Variants in PSMD11 observed in about 807,000 individuals in gnomAD.
The protein encoded by PSMD11 is proteasome 26S subunit, non-ATPase 11.
In PSMD11, 5 loss-of-function variants were observed where a neutral mutation model predicts 62.3. The ratio of observed to expected loss-of-function variants is 0.08; its 90% confidence interval spans 0.04 to 0.17. PSMD11 has a LOEUF of 0.17. Ranked by LOEUF, PSMD11 falls within the 10% of genes least tolerant of loss-of-function variation. The pLI is 1.00. For synonymous variants in PSMD11, 191 were observed against 191.8 expected (o/e 1.00, Z 0.03); for missense variants, 310 against 512.9 (o/e 0.60, Z 3.82).
Position 32,480,735 on chromosome 17 carries a change from CTCTGTCTTCTCTTGCAGAGTTGGATCTGT to C in PSMD11, c.*1-17_*12del. 7.6e-7 allele frequency: 1 copy of C among 1,317,346 alleles called. No individual in the cohort carries two copies. Among genetic ancestry groups the C allele is most frequent in the Non-Finnish European group, 1.0e-6 (1 of 953,506 alleles). 81.6% of individuals were successfully genotyped at this position (1,317,346 alleles called of 1,614,324 possible). ...CCTCATGGCTTCCTGATTGACACTG[CTCTGTCTTCTCTTGCAGAGTTGGATCTGT>C]AGCGGTCCTTTGGAGAGTGTGTGTG... On this transcript the variant is annotated splice_acceptor_variant and splice_polypyrimidine_tract_variant and 3_prime_UTR_variant and intron_variant, in exon 14 of 14. Transcript: ENST00000261712. LOFTEE classifies it low-confidence loss of function (3UTR_SPLICE).
chr17:32,444,586 G>A lies in PSMD11; in HGVS notation c.63G>A (p.Glu21=). The part of the protein sequence containing the change: ...RAQSLLSTDR[E]ASIDILHSIV... ...AGTCTCTACTCAGCACCGACCGGGA[G>A]GCCTCCATCGACATCCTCCACTCCA... The change falls in exon 1 of 14, where the codon GAG becomes GAA. Residue 21 remains glutamate, a synonymous_variant. Transcript: ENST00000261712. The A allele has an allele frequency of 6.2e-7, 1 of 1,611,914 alleles. No homozygotes were observed. Among genetic ancestry groups the A allele is most frequent in the Non-Finnish European group, 8.5e-7 (1 of 1,179,374 alleles).
intron 1 of PSMD11, chr17:32,444,821 T>G: frequency 1.0e-5 from 6 of 590,206 alleles, no homozygotes; most frequent in African/African-American, 2.0e-5. Context: ...AATCCCCGGG[T>G]CCCCTCGCCG....
chr17:32,457,105 A>G (rs1907674960), intron 3 of PSMD11, among the ~76,000 whole-genome samples: 1 of 152,196 alleles, frequency 6.6e-6, no homozygotes, highest in Admixed American at 6.5e-5. Flanking sequence ...CTGTGGTTAT[A>G]TGTTGTCATT....
rs573080464 is a variant in PSMD11 at position 32,462,441 on chromosome 17, TTCTG to T, written c.319-1604_319-1601del. ...AGCTTGCTTTTATTTTAGTTTTTGGTTCTGTCTTATTTTTAGGTAATTTTTATGA... is the reference window on the plus strand; with the variant it reads ...AGCTTGCTTTTATTTTAGTTTTTGGTTCTTATTTTTAGGTAATTTTTATGA... On this transcript the variant is annotated intron_variant, in intron 3 of 13. Transcript: ENST00000261712. 4.8e-3 allele frequency among the ~76,000 whole-genome samples: 732 copies of T among 152,288 alleles called. 5 individuals are homozygous for T. The highest frequency in any genetic ancestry group is 0.016 in the African/African-American group (647 of 41,538).
At chr17:32,459,595 G>T (rs1037500675) in intron 3 of PSMD11, among the ~76,000 whole-genome samples, 1 of 152,034 alleles carries the variant, frequency 6.6e-6, no homozygotes, top group Non-Finnish European at 1.5e-5. Context: ...TAAGCATGGG[G>T]TGTTGTTACT....
intron 3 of PSMD11, among the ~76,000 whole-genome samples, chr17:32,456,560 C>G (rs757860798): frequency 4.6e-5 from 7 of 151,608 alleles, no homozygotes; most frequent in Non-Finnish European, 4.4e-5. Flanking sequence ...GACGGAGTCT[C>G]GCTCTGTCGC....
chr17:32,465,416 G>T (rs1907965359), intron 5 of PSMD11, among the ~76,000 whole-genome samples: 1 of 151,936 alleles, frequency 6.6e-6, no homozygotes, highest in Non-Finnish European at 1.5e-5. Context: ...TCCGGCCACT[G>T]CTTGCTTTTT....
intron 8 of PSMD11, among the ~76,000 whole-genome samples, chr17:32,475,963 T>C (rs1908309199): frequency 6.6e-6 from 1 of 152,006 alleles, no homozygotes; most frequent in Admixed American, 6.6e-5. Context: ...AAACTTTTGC[T>C]GATAAAAAGC....
intron 6 of PSMD11, among the ~76,000 whole-genome samples, chr17:32,470,347 C>T (rs1908130498): frequency 6.7e-6 from 1 of 148,456 alleles, no homozygotes; most frequent in Non-Finnish European, 1.5e-5. Context: ...TTGTTTTGTT[C>T]AGCCACCCAG....
chr17:32,465,982 A>AT (rs1555616628), intron 5 of PSMD11, among the ~76,000 whole-genome samples: 2 of 152,160 alleles, frequency 1.3e-5, no homozygotes, highest in Non-Finnish European at 2.9e-5. Flanking sequence ...CTCCAAAAAA[A>AT]GAAAAAAATT....
At chr17:32,447,262 T>C (rs1188000038) in intron 2 of PSMD11, 1 of 476,262 alleles carries the variant, frequency 2.1e-6, no homozygotes, top group Non-Finnish European at 3.7e-6. Context: ...CTTATTTTTG[T>C]TGGGATATAG....
At chr17:32,451,120 C>CAAA (rs68054446) in intron 2 of PSMD11, among the ~76,000 whole-genome samples, 26 of 106,370 alleles carry the variant, frequency 2.4e-4, no homozygotes, top group Non-Finnish European at 1.6e-4. Flanking sequence ...GGCTCTTTCT[C>CAAA]AAAAAAAAAA....
intron 2 of PSMD11, among the ~76,000 whole-genome samples, chr17:32,449,255 A>T (rs1006588511): frequency 6.6e-6 from 1 of 152,038 alleles, no homozygotes; most frequent in African/African-American, 2.4e-5. Context: ...AAATAGAAAA[A>T]TTAGCTGGGT....
chr17:32,479,420 C>T (rs756333110), intron 10 of PSMD11, 44 bp downstream of exon 10: 4 of 1,604,542 alleles, frequency 2.5e-6, no homozygotes, highest in Middle Eastern at 1.7e-4. Flanking sequence ...GGCATTCTCA[C>T]TGTAGCCACC....
At position 32,467,457 on chromosome 17, in the gene PSMD11, G is replaced by A. The variant is rs180832313; in HGVS notation, c.449-1542G>A. 3.9e-3 allele frequency among the ~76,000 whole-genome samples: 582 copies of A among 148,180 alleles called. 4 individuals are homozygous for A. Among genetic ancestry groups the A allele is most frequent in the Middle Eastern group, 0.012 (3 of 246 alleles). On this transcript the variant is annotated intron_variant, in intron 5 of 13. Coordinates refer to ENST00000261712, the MANE Select transcript of PSMD11 (RefSeq NM_002815.4). ...GACGGGGTTTCACCATGTTAGCCAG[G>A]CTGGTGTCGAACTCCTAACCTCAGG...
In PSMD11 at chr17:32,444,515, A is replaced by T. The variant is rs1597827479; in HGVS notation, c.-9A>T. The stretch of plus-strand genomic sequence containing the variant: ...CGGCCGCGGCCGGGGACGGTGTGAG[A>T]GCGGTAAGATGGCGGCGGCGGCGGT... On this transcript the variant is annotated 5_prime_UTR_variant, in exon 1 of 14. Coordinates refer to ENST00000261712, the MANE Select transcript of PSMD11 (RefSeq NM_002815.4). The T allele has an allele frequency of 6.3e-7, 1 of 1,588,082 alleles. No homozygotes were observed. The highest frequency in any genetic ancestry group is 8.6e-7 in the Non-Finnish European group (1 of 1,168,130).
intron 11 of PSMD11, 67 bp from the exon 12 acceptor site, chr17:32,480,079 G>T: frequency 1.3e-6 from 2 of 1,564,546 alleles, no homozygotes; most frequent in South Asian, 2.2e-5. Flanking sequence ...CTCCAACAAA[G>T]CTACTGTGTC....
chr17:32,456,433 C>G (rs1002956977), intron 3 of PSMD11, among the ~76,000 whole-genome samples: 1 of 152,068 alleles, frequency 6.6e-6, no homozygotes, highest in Non-Finnish European at 1.5e-5. Context: ...AGTGCAATGG[C>G]GTGATCGTGG....
chr17:32,450,941 G>A (rs1907476104), intron 2 of PSMD11, among the ~76,000 whole-genome samples: 1 of 151,196 alleles, frequency 6.6e-6, no homozygotes, highest in Non-Finnish European at 1.5e-5. Flanking sequence ...GTAACATAAG[G>A]AGACCACATA....
Sources: allele counts gnomAD v4.1 joint callset (sites outside exome capture counted in the v4.1 genomes callset), GRCh38; gene constraint gnomAD v4.1.1; transcripts MANE v1.5; gene names NCBI Gene and HGNC (gene_info 2026-07-23, HGNC 2026-07-21).